The following UHRF2 variants were observed in gnomAD, a reference collection of about 807,000 sequenced individuals.
UHRF2 encodes E3 ubiquitin-protein ligase UHRF2.
In UHRF2, 23 loss-of-function variants were observed where a neutral mutation model predicts 96.8. The ratio of observed to expected loss-of-function variants is 0.24; its 90% CI spans 0.17 to 0.34. UHRF2 has a LOEUF of 0.34. UHRF2 is among the 10% of genes least tolerant of loss of function. UHRF2 has a pLI of 1.00. For missense variants in UHRF2, 685 were observed against 981.5 expected, an observed-to-expected ratio of 0.70 and a Z score of 4.04; for synonymous variants, 385 against 332.6, an observed-to-expected ratio of 1.16 and a Z score of -1.72.
In UHRF2 at chr9:6,413,307, T is replaced by G. The variant is rs1377777317; in HGVS notation, c.-184T>G. On this transcript the variant is annotated 5_prime_UTR_variant, in exon 1 of 16. Transcript: ENST00000276893. ...GGTCGTCTCTCCTCAAGTCGGCTAG[T>G]CGGGCGCGCGCGCTGAGAGTCGTCG... 29 of 368,278 alleles carry G rather than the reference T, an allele frequency of 7.9e-5. No homozygotes were observed. Among genetic ancestry groups the G allele is most frequent in the Non-Finnish European group, 1.2e-4 (28 of 242,202 alleles). 22.8% of individuals were successfully genotyped at this position (368,278 alleles called of 1,614,324 possible). A position where few individuals can be genotyped will look rare whatever the true frequency, so the allele number is the denominator to read the frequency against.
chr9:6,470,178 G>A (rs1823159174), intron 4 of UHRF2, among the ~76,000 whole-genome samples: 1 of 152,156 alleles, frequency 6.6e-6, no homozygotes, highest in South Asian at 2.1e-4. Flanking sequence ...TTCAAGACCA[G>A]CCTGGCCAAC....
At chr9:6,488,142 A>G (rs1334102777) in intron 9 of UHRF2, among the ~76,000 whole-genome samples, 1 of 150,934 alleles carries the variant, frequency 6.6e-6, no homozygotes, top group African/African-American at 2.4e-5. Flanking sequence ...ACCCAGGAGG[A>G]TGAGGCAGGA....
In UHRF2 at chr9:6,415,943, C is replaced by A. The variant is rs559832547; in HGVS notation, c.153+2300C>A. On this transcript the variant is annotated intron_variant, in intron 1 of 15. Coordinates refer to ENST00000276893, the MANE Select transcript of UHRF2 (RefSeq NM_152896.3). Reference sequence around the variant, plus strand: ...CAGCAGCATTAGCTTTACCTGAAATCCTCACGCCAGACCTACTGAAGCTGA... The same window carrying A: ...CAGCAGCATTAGCTTTACCTGAAATACTCACGCCAGACCTACTGAAGCTGA... 2.0e-5 allele frequency among the ~76,000 whole-genome samples: 3 copies of A among 152,352 alleles called. No homozygotes were observed. The East Asian group carries it at 5.8e-4, about 29-fold the overall frequency.
intron 3 of UHRF2, among the ~76,000 whole-genome samples, chr9:6,435,719 A>T (rs1353754810): frequency 6.6e-6 from 1 of 152,022 alleles, no homozygotes; most frequent in Non-Finnish European, 1.5e-5. Flanking sequence ...CGATTCTGCT[A>T]CCTCAGCCTC....
intron 2 of UHRF2, among the ~76,000 whole-genome samples, chr9:6,431,290 G>T (rs1019865263): frequency 6.6e-6 from 1 of 152,108 alleles, no homozygotes. Context: ...ACTTAGTAGG[G>T]TACTTACTAT....
chr9:6,445,947 T>A (rs911172107), intron 3 of UHRF2, among the ~76,000 whole-genome samples: 2 of 150,852 alleles, frequency 1.3e-5, no homozygotes, highest in African/African-American at 4.9e-5. Context: ...TAAAGACAGG[T>A]TGTTTTGGTA....
chr9:6,447,283 T>G (rs1821576345), intron 3 of UHRF2, among the ~76,000 whole-genome samples: 1 of 152,176 alleles, frequency 6.6e-6, no homozygotes, highest in Non-Finnish European at 1.5e-5. Context: ...ATTAAGACCT[T>G]TTTATATAAA....
chr9:6,450,304 T>TCC (rs34892051), intron 3 of UHRF2, among the ~76,000 whole-genome samples: 1,292 of 118,176 alleles, frequency 0.011, 23 homozygotes, highest in African/African-American at 0.027. Flanking sequence ...TTCTTCCCCT[T>TCC]CCCCCCCCCC....
At chr9:6,466,435 G>A (rs1407233137) in intron 4 of UHRF2, among the ~76,000 whole-genome samples, 1 of 151,788 alleles carries the variant, frequency 6.6e-6, no homozygotes. Flanking sequence ...AAGTCCTTGG[G>A]AGGCTGAGGC....
chr9:6,413,284 T>C lies in UHRF2; in HGVS notation c.-207T>C. ...CGGCAGCGCCTCAGAGTGGTTCCGG[T>C]CGTCTCTCCTCAAGTCGGCTAGTCG... On this transcript the variant is annotated 5_prime_UTR_variant, in exon 1 of 16. Coordinates refer to ENST00000276893, the MANE Select transcript of UHRF2 (RefSeq NM_152896.3). The C allele has an allele frequency of 4.1e-6, 1 of 246,510 alleles. No homozygotes were observed. 15.3% of individuals were successfully genotyped at this position (246,510 alleles called of 1,614,324 possible). A position where few individuals can be genotyped will look rare whatever the true frequency, so the allele number is the denominator to read the frequency against.
chr9:6,490,117 T>G (rs1278244953), intron 9 of UHRF2, among the ~76,000 whole-genome samples: 1 of 152,238 alleles, frequency 6.6e-6, no homozygotes, highest in Non-Finnish European at 1.5e-5. Context: ...TTAACATTTG[T>G]TTTTAGTGTC....
intron 10 of UHRF2, chr9:6,494,611 A>T (rs1436100527): frequency 6.6e-6 from 1 of 152,198 alleles, no homozygotes; most frequent in Non-Finnish European, 1.5e-5. Context: ...TACCAATATT[A>T]ATAAGTAACC....
At chr9:6,435,141 G>A (rs1462445779) in intron 3 of UHRF2, among the ~76,000 whole-genome samples, 3 of 151,806 alleles carry the variant, frequency 2.0e-5, no homozygotes, top group African/African-American at 7.3e-5. Flanking sequence ...TTAGAGGCGC[G>A]CACCACCACG....
At chr9:6,435,834 C>T in intron 3 of UHRF2, among the ~76,000 whole-genome samples, 1 of 152,132 alleles carries the variant, frequency 6.6e-6, no homozygotes, top group Non-Finnish European at 1.5e-5. Context: ...GTCTCGAACT[C>T]CTGACCTCAA....
At chr9:6,471,056 G>A (rs188467593) in intron 4 of UHRF2, among the ~76,000 whole-genome samples, 21 of 152,320 alleles carry the variant, frequency 1.4e-4, no homozygotes, top group Admixed American at 7.8e-4. Flanking sequence ...GTTGAAAAGA[G>A]GTGGATGGTT....
intron 4 of UHRF2, among the ~76,000 whole-genome samples, chr9:6,471,682 A>C (rs976979267): frequency 2.6e-5 from 4 of 152,176 alleles, no homozygotes; most frequent in African/African-American, 9.7e-5. Flanking sequence ...TTAAGCCAGA[A>C]CTACCCAGCT....
At chr9:6,452,627 G>A (rs1821940876) in intron 3 of UHRF2, among the ~76,000 whole-genome samples, 1 of 152,184 alleles carries the variant, frequency 6.6e-6, no homozygotes, top group Non-Finnish European at 1.5e-5. Flanking sequence ...GTCATTAACA[G>A]GTTATCGTAA....
intron 3 of UHRF2, among the ~76,000 whole-genome samples, chr9:6,455,604 A>AG (rs1822130949): frequency 6.6e-6 from 1 of 152,088 alleles, no homozygotes; most frequent in South Asian, 2.1e-4. Context: ...AGCATACTTG[A>AG]GGAGCAGCAG....
chr9:6,450,661 T>G (rs1276556726), intron 3 of UHRF2, among the ~76,000 whole-genome samples: 1 of 152,210 alleles, frequency 6.6e-6, no homozygotes, highest in Non-Finnish European at 1.5e-5. Context: ...CTTTTAAGTA[T>G]TATTATGAAC....
Sources: allele counts gnomAD v4.1 joint callset (sites outside exome capture counted in the v4.1 genomes callset), GRCh38; gene constraint gnomAD v4.1.1; transcripts MANE v1.5; gene names NCBI Gene and HGNC (gene_info 2026-07-23, HGNC 2026-07-21).